The following LTBP1 variants were observed in gnomAD, a reference collection of about 807,000 sequenced individuals.
The protein encoded by LTBP1 is latent transforming growth factor beta binding protein 1, also known as latent-transforming growth factor beta-binding protein 1.
Under a neutral mutation model 207.6 loss-of-function variants are expected in LTBP1, and 129 were observed. The observed-to-expected ratio is 0.62, with a 90% CI of 0.54 to 0.72. The LOEUF (loss-of-function observed/expected upper bound fraction) is 0.72, where lower values mean the gene tolerates loss of function less well. Ranked by LOEUF, LTBP1 falls within the 30% of genes least tolerant of loss-of-function variation. The pLI, the probability that LTBP1 is intolerant of heterozygous loss-of-function variation, is 0.00. For synonymous variants in LTBP1, 963 were observed against 833.7 expected, an observed-to-expected ratio of 1.16 and a Z score of -2.67; for missense variants, 2,281 against 2,217.2, an observed-to-expected ratio of 1.03 and a Z score of -0.58.
intron 5 of LTBP1, among the ~76,000 whole-genome samples, chr2:33,140,620 C>T (rs2082568566): frequency 6.6e-6 from 1 of 151,764 alleles, no homozygotes; most frequent in African/African-American, 2.4e-5. Flanking sequence ...GAATAAATGT[C>T]ATAATGTAGA....
chr2:33,350,714 G>A (rs2094769650), intron 26 of LTBP1, among the ~76,000 whole-genome samples: 1 of 144,616 alleles, frequency 6.9e-6, no homozygotes, highest in African/African-American at 2.5e-5. Context: ...GTCCATACCA[G>A]GCCACTCATC....
chr2:33,140,793 G>A (rs532989048), intron 5 of LTBP1, among the ~76,000 whole-genome samples: 2 of 151,484 alleles, frequency 1.3e-5, no homozygotes, highest in East Asian at 1.9e-4. Flanking sequence ...TCGGCCTCTC[G>A]AGTAGCTGGG....
intron 7 of LTBP1, among the ~76,000 whole-genome samples, chr2:33,197,277 A>G (rs928933594): frequency 6.6e-6 from 1 of 152,188 alleles, no homozygotes; most frequent in African/African-American, 2.4e-5. Context: ...GGCCGGTCCT[A>G]ATTTTGGCAG....
intron 3 of LTBP1, among the ~76,000 whole-genome samples, chr2:33,065,988 C>G (rs1401618153): frequency 2.6e-5 from 4 of 152,072 alleles, no homozygotes; most frequent in African/African-American, 9.7e-5. Flanking sequence ...TAGTTTATGG[C>G]TGTTTGCATT....
chr2:33,029,446 C>T (rs2149302987), intron 3 of LTBP1, among the ~76,000 whole-genome samples: 1 of 151,918 alleles, frequency 6.6e-6, no homozygotes, highest in South Asian at 2.1e-4. Flanking sequence ...CACTGCGCTC[C>T]AGCATGGGCA....
intron 20 of LTBP1, among the ~76,000 whole-genome samples, chr2:33,297,909 A>G (rs140137851): frequency 7.9e-5 from 12 of 152,220 alleles, no homozygotes; most frequent in Middle Eastern, 3.4e-3. Context: ...GATCTTATCT[A>G]TCTTAAAGAG....
chr2:33,066,126 A>G (rs1365159532), intron 3 of LTBP1, among the ~76,000 whole-genome samples: 1 of 151,578 alleles, frequency 6.6e-6, no homozygotes, highest in Non-Finnish European at 1.5e-5. Flanking sequence ...TATTTTCCCT[A>G]TTTTTCTTTT....
chr2:33,041,969 G>A (rs945259589), intron 3 of LTBP1, among the ~76,000 whole-genome samples: 5 of 152,112 alleles, frequency 3.3e-5, no homozygotes, highest in Non-Finnish European at 5.9e-5. Context: ...TACCAGCCGT[G>A]TATGAAAGTT....
intron 2 of LTBP1, among the ~76,000 whole-genome samples, chr2:32,998,765 G>T (rs1685677420): frequency 6.6e-6 from 1 of 152,100 alleles, no homozygotes; most frequent in African/African-American, 2.4e-5. Context: ...TCTCTCCCAT[G>T]TGAGGATACA....
At chr2:33,294,792 T>A (rs2093842858) in intron 20 of LTBP1, among the ~76,000 whole-genome samples, 1 of 151,794 alleles carries the variant, frequency 6.6e-6, no homozygotes, top group Admixed American at 6.6e-5. Flanking sequence ...TTGGTCAGGC[T>A]GGTCTCGAAC....
intron 9 of LTBP1, among the ~76,000 whole-genome samples, chr2:33,232,848 A>G (rs1195014905): frequency 6.6e-6 from 1 of 152,108 alleles, no homozygotes; most frequent in Non-Finnish European, 1.5e-5. Context: ...CTCATTTTAT[A>G]ATGAGACTAC....
At chr2:33,220,980 G>A (rs939005287) in intron 8 of LTBP1, among the ~76,000 whole-genome samples, 1 of 152,196 alleles carries the variant, frequency 6.6e-6, no homozygotes, top group South Asian at 2.1e-4. Context: ...ATATGGGGAG[G>A]CTGAAATAAT....
chr2:33,132,867 A>G (rs972183796), intron 4 of LTBP1, among the ~76,000 whole-genome samples: 2 of 152,224 alleles, frequency 1.3e-5, no homozygotes. Context: ...TATCTCAAAG[A>G]TAACTTATTT....
At position 33,047,453 on chromosome 2, in the gene LTBP1, A is replaced by G. The variant is rs544283289; in HGVS notation, c.863+26247A>G. On this transcript the variant is annotated intron_variant, in intron 3 of 33. Transcript: ENST00000404816. ...AGTGAGTTTCTTAATCCTGAGTTCT[A>G]ATTTGATTGCACTGTGGCCTGAGAG... is the stretch of plus-strand genomic sequence containing the variant. Among the ~76,000 whole-genome samples, 29 of 152,220 alleles carry G rather than the reference A, an allele frequency of 1.9e-4. 1 individual carries two copies. Among genetic ancestry groups the G allele is most frequent in the African/African-American group, 5.8e-4 (24 of 41,546 alleles).
At chr2:33,360,517 C>A in intron 26 of LTBP1, 80 bp from the exon 27 acceptor site, 1 of 860,200 alleles carries the variant, frequency 1.2e-6, no homozygotes, top group South Asian at 1.6e-5. Context: ...GTCACTCTTT[C>A]CCCCATTGCA....
At chr2:33,045,583 C>T (rs950217621) in intron 3 of LTBP1, among the ~76,000 whole-genome samples, 1 of 152,090 alleles carries the variant, frequency 6.6e-6, no homozygotes, top group African/African-American at 2.4e-5. Flanking sequence ...TTAGGATTGT[C>T]TTGACTATGT....
rs760374167 is a variant in LTBP1 at position 33,364,198 on chromosome 2, C to CT, written c.4400-10dup. 6.2e-6 allele frequency: 10 copies of CT among 1,605,982 alleles called. No homozygotes were observed. Among genetic ancestry groups the CT allele is most frequent in the Admixed American group, 1.7e-5 (1 of 59,036 alleles). ...TGATGGCTGATTTTCTTTAGTAATA[C>CT]TTTTTTTTGCTCTTAAGATATGGAT... On this transcript the variant is annotated splice_polypyrimidine_tract_variant and intron_variant, in intron 29 of 33. Coordinates refer to ENST00000404816, the MANE Select transcript of LTBP1 (RefSeq NM_206943.4).
chr2:33,092,538 C>T (rs1042211827), intron 3 of LTBP1, among the ~76,000 whole-genome samples: 2 of 152,198 alleles, frequency 1.3e-5, no homozygotes, highest in African/African-American at 4.8e-5. Context: ...CACTCCCTGC[C>T]TTCTGATTTT....
chr2:33,388,639 T>C (rs1245673467), intron 31 of LTBP1, among the ~76,000 whole-genome samples: 2 of 152,192 alleles, frequency 1.3e-5, no homozygotes, highest in Non-Finnish European at 2.9e-5. Flanking sequence ...TTATTATGAC[T>C]CTCAGCATAG....
Sources: gnomAD v4.1 joint callset for allele counts (sites outside exome capture counted in the v4.1 genomes callset) on GRCh38, gnomAD v4.1.1 for gene constraint, MANE v1.5 for transcripts, NCBI Gene and HGNC (gene_info 2026-07-23, HGNC 2026-07-21) for gene names.